AHNAK2: variants seen among roughly 807,000 people sequenced by gnomAD.
AHNAK2 encodes protein AHNAK2.
In AHNAK2, 18 loss-of-function variants were observed where a neutral mutation model predicts 30.7. The ratio of observed to expected loss-of-function variants is 0.59; its 90% CI spans 0.41 to 0.87. The LOEUF (loss-of-function observed/expected upper bound fraction) is 0.87, where lower values mean the gene tolerates loss of function less well. AHNAK2 is among the 40% of genes least tolerant of loss of function. The pLI is 0.00. For missense variants in AHNAK2, 8,604 were observed against 7,373.0 expected, an observed-to-expected ratio of 1.17 and a Z score of -6.11; for synonymous variants, 3,590 against 3,073.8, an observed-to-expected ratio of 1.17 and a Z score of -5.56.
rs761735734 is a variant in AHNAK2, at chr14:104,950,532, A to G, written c.4919T>C (p.Leu1640Pro). 6.3e-7 allele frequency: 1 copy of G among 1,586,938 alleles called. No homozygotes were observed. The highest frequency in any genetic ancestry group is 1.1e-5 in the South Asian group (1 of 89,636). ...GTCGGCCAGGGACAGGTCCCCCTCCAGCTGCGCACCATCCAGCTTTGCTCT... is the reference window on the plus strand; with the variant it reads ...GTCGGCCAGGGACAGGTCCCCCTCCGGCTGCGCACCATCCAGCTTTGCTCT... The part of the protein sequence containing the change: ...APRAKLDGAQ[L>P]EGDLSLADKA... Residue 1640 changes from leucine (L) to proline (P), a missense_variant, in exon 7 of 7, where the codon CTG (leucine) becomes CCG (proline). Coordinates refer to ENST00000333244, the MANE Select transcript of AHNAK2 (RefSeq NM_138420.4).
chr14:104,959,180 A>AT (rs1555403031), intron 1 of AHNAK2, among the ~76,000 whole-genome samples: 1 of 150,650 alleles, frequency 6.6e-6, no homozygotes. Flanking sequence ...ACAAAAAAAA[A>AT]TTTTTTTTTT....
At chr14:104,972,702 C>G (rs1899499434) in intron 1 of AHNAK2, among the ~76,000 whole-genome samples, 1 of 152,212 alleles carries the variant, frequency 6.6e-6, no homozygotes, top group Non-Finnish European at 1.5e-5. Context: ...ACGCGGACAG[C>G]CATGGGAACG....
Position 104,939,081 on chromosome 14 carries a change from G to T in AHNAK2, c.16370C>A (p.Ala5457Asp), listed in dbSNP as rs374510351. The change falls in exon 7 of 7, where the codon GCT (alanine) becomes GAT (aspartate). Residue 5457 changes from alanine to aspartate, a missense_variant. By Grantham distance (126) the Ala-to-Asp change is moderately radical. Coordinates refer to ENST00000333244, the MANE Select transcript of AHNAK2 (RefSeq NM_138420.4). ...QPVDLNLPLE[A>D]PPISKVRVHI... ...CACTCTGACCTTTGAAATTGGGGGA[G>T]CTTCCAAAGGCAGGTTAAGGTCCAC... is the stretch of plus-strand genomic sequence containing the variant. The T allele has an allele frequency of 4.9e-5, 78 of 1,603,370 alleles. No homozygotes were observed. The African/African-American group carries it at 7.6e-4, about 16-fold the overall frequency.
rs375824419 is a variant in AHNAK2 at position 104,948,489 on chromosome 14, G to A, written c.6962C>T (p.Pro2321Leu). The A allele has an allele frequency of 1.9e-6, 3 of 1,610,468 alleles. No homozygotes were observed. In the African/African-American group the frequency reaches 4.1e-5, roughly 22 times the overall value. Residue 2321 changes from proline (P) to leucine (L), a missense_variant, in exon 7 of 7, where the codon CCC (proline) becomes CTC (leucine). Coordinates refer to ENST00000333244, the MANE Select transcript of AHNAK2 (RefSeq NM_138420.4). The stretch of plus-strand genomic sequence containing the variant: ...CCCAAACGACAGCATCTTGAACTTG[G>A]GCATTTTGAACTTGCTGTCTTTGGC... The part of the protein sequence containing the change: ...VTAKDSKFKM[P>L]KFKMLSFGVS...
Position 104,947,458 on chromosome 14 carries a change from CG to C in AHNAK2, c.7992del (p.Glu2665SerfsTer12), listed in dbSNP as rs1848625336. 6.2e-7 allele frequency: 1 copy of C among 1,610,156 alleles called. No homozygotes were observed. Among genetic ancestry groups the C allele is most frequent in the African/African-American group, 1.4e-5 (1 of 73,492 alleles). ...KMPSFRVSAP[G>X]ESIEALVDVS... is the part of the protein sequence containing the mutation. ...ACATCCACCAACGCCTCGATGGACTCGCCTGGGGCCGACACCCTGAATGATG... is the reference window on the plus strand; with the variant it reads ...ACATCCACCAACGCCTCGATGGACTCCCTGGGGCCGACACCCTGAATGATG... On this transcript the variant is annotated frameshift_variant, in exon 7 of 7. Transcript: ENST00000333244. LOFTEE classifies it low-confidence loss of function (END_TRUNC).
At chr14:104,957,742 C>A in intron 1 of AHNAK2, 70 bp from the exon 2 acceptor site, 3 of 1,477,204 alleles carry the variant, frequency 2.0e-6, no homozygotes, top group Non-Finnish European at 2.8e-6. Context: ...GGGGAGGGAG[C>A]CAGGACTGTA....
At position 104,947,229 on chromosome 14, in the gene AHNAK2, A is replaced by G. The variant is rs749758455; in HGVS notation, c.8222T>C (p.Met2741Thr). Residue 2741 changes from methionine (M) to threonine (T), a missense_variant, in exon 7 of 7, where the codon ATG becomes ACG. Coordinates refer to ENST00000333244, the MANE Select transcript of AHNAK2 (RefSeq NM_138420.4). ...LPKLQMPSFK[M>T]PEVDLKGPQI... is the part of the protein sequence containing the mutation. ...GGGGCCCTTGAGGTCCACTTCAGGC[A>G]TCTTGAAACTGGGCATCTGCAGCTT... 8 of 1,611,884 alleles carry G rather than the reference A, an allele frequency of 5.0e-6. No homozygotes were observed. Among genetic ancestry groups the G allele is most frequent in the Non-Finnish European group, 6.8e-6 (8 of 1,179,472 alleles).
chr14:104,950,121 A>G lies in AHNAK2; in HGVS notation c.5330T>C (p.Val1777Ala), dbSNP rs1484154525. 1 of 1,585,108 alleles carries G rather than the reference A, an allele frequency of 6.3e-7. No homozygotes were observed. The highest frequency in any genetic ancestry group is 2.3e-5 in the East Asian group (1 of 44,392). Reference sequence around the variant, plus strand: ...AGACACCTCCACGTCGGGGGCCATCACCTCCGCCTTGGGGCCTTTCAGGTC... The same window carrying G: ...AGACACCTCCACGTCGGGGGCCATCGCCTCCGCCTTGGGGCCTTTCAGGTC... ...KLDLKGPKAE[V>A]MAPDVEVSLP... Residue 1777 changes from valine (V) to alanine (A), a missense_variant, in exon 7 of 7, where the codon GTG becomes GCG. By Grantham distance (64) the Val-to-Ala change is moderately conservative (BLOSUM62 0). Transcript: ENST00000333244.
In AHNAK2 at chr14:104,954,044, G is replaced by C. The variant is rs1328828074; in HGVS notation, c.1407C>G (p.Asp469Glu). The change falls in exon 7 of 7, where the codon GAC becomes GAG. Residue 469 changes from aspartate (D) to glutamate (E), a missense_variant. Coordinates refer to ENST00000333244, the MANE Select transcript of AHNAK2 (RefSeq NM_138420.4). The surrounding 1 kb of genome is among the most constrained non-coding windows in gnomAD (Gnocchi z 4.3). ...EIGIARLSLRDTTEGGTQIGP... is the reference protein window; with the variant it reads ...EIGIARLSLRETTEGGTQIGP... The stretch of plus-strand genomic sequence containing the variant: ...CAATCTGTGTGCCTCCTTCGGTTGT[G>C]TCTCTCAAGGACAGTCTGGCGATCC... 1 of 1,613,580 alleles carries C rather than the reference G, an allele frequency of 6.2e-7. No homozygotes were observed. The highest frequency in any genetic ancestry group is 1.7e-5 in the Admixed American group (1 of 60,018).
chr14:104,944,417 C>A lies in AHNAK2; in HGVS notation c.11034G>T (p.Gln3678His), dbSNP rs760910844. ...TGAGGTCAGTGGTCTTCAGGTCCCC[C>A]TGCATGGAGGGGAGACTCACATCGG... ...VEADVSLPSMQGDLKTTDLSI... is the reference protein window; with the variant it reads ...VEADVSLPSMHGDLKTTDLSI... The change falls in exon 7 of 7, where the codon CAG becomes CAT. Residue 3678 changes from glutamine to histidine, a missense_variant. Transcript: ENST00000333244. 1 of 1,612,936 alleles carries A rather than the reference C, an allele frequency of 6.2e-7. No homozygotes were observed. Among genetic ancestry groups the A allele is most frequent in the Admixed American group, 1.7e-5 (1 of 59,940 alleles).
At position 104,949,888 on chromosome 14, in the gene AHNAK2, C is replaced by T; in HGVS notation, c.5563G>A (p.Ala1855Thr). ...SVDVSAPKVE[A>T]EVSLPSMQGD... ...TGCATGGAGGGGAGGCTCACTTCGG[C>T]CTCCACCTTCGGCGCAGACACATCC... is the stretch of plus-strand genomic sequence containing the variant. Residue 1855 changes from alanine to threonine, a missense_variant, in exon 7 of 7, where the codon GCC (alanine) becomes ACC (threonine). Transcript: ENST00000333244. The T allele has an allele frequency of 6.3e-7, 1 of 1,588,784 alleles. No homozygotes were observed. Among genetic ancestry groups the T allele is most frequent in the African/African-American group, 1.4e-5 (1 of 72,732 alleles).
Position 104,952,285 on chromosome 14 carries a change from T to G in AHNAK2, c.3166A>C (p.Lys1056Gln), listed in dbSNP as rs372876794. ...ACATCCACCTGGTCAGCCTGGACCT[T>G]CAGGTCAGTAGAAGCAGGCTGAATG... ...LSIQPASTDLKVQADQVDVKL... is the reference protein window; with the variant it reads ...LSIQPASTDLQVQADQVDVKL... The change falls in exon 7 of 7, where the codon AAG (lysine) becomes CAG (glutamine). Residue 1056 changes from lysine (K) to glutamine (Q), a missense_variant. Coordinates refer to ENST00000333244, the MANE Select transcript of AHNAK2 (RefSeq NM_138420.4). 6.2e-7 allele frequency: 1 copy of G among 1,608,646 alleles called. No homozygotes were observed. Among genetic ancestry groups the G allele is most frequent in the South Asian group, 1.1e-5 (1 of 90,804 alleles).
rs375935833 is a variant in AHNAK2, at chr14:104,951,293, C to T, written c.4158G>A (p.Glu1386=). Residue 1386 remains glutamate, a synonymous_variant, in exon 7 of 7, where the codon GAG becomes GAA. Coordinates refer to ENST00000333244, the MANE Select transcript of AHNAK2 (RefSeq NM_138420.4). The part of the protein sequence containing the change: ...LSIQPPSTDL[E]LQAGQLDVKL... ...TCACGTCCAATTGGCCAGCCTGGAG[C>T]TCCAGGTCAGTGGAAGGGGGCTGAA... The T allele has an allele frequency of 6.7e-5, 71 of 1,061,654 alleles. 26 individuals are homozygous for T. The highest frequency in any genetic ancestry group is 9.7e-5 in the Non-Finnish European group (71 of 732,056). The allele number at this position is 1,061,654 out of a possible 1,614,324, so 65.8% of individuals were successfully genotyped here.
rs1595421893 is a variant in AHNAK2, at chr14:104,953,648, G to A, written c.1803C>T (p.Gly601=). ...CTGTGTCTTCTGTGGCTTTTTCTCT[G>A]CCTGTCTTTGTGTGCTTGCTTGGCG... The part of the protein sequence containing the change: ...GWSPSKHTKT[G]REKATEDTEQ... The change falls in exon 7 of 7, where the codon GGC becomes GGT. Residue 601 remains glycine (G), a synonymous_variant. Transcript: ENST00000333244. 3 of 1,613,566 alleles carry A rather than the reference G, an allele frequency of 1.9e-6. No individual in the cohort carries two copies. The highest frequency in any genetic ancestry group is 1.7e-6 in the Non-Finnish European group (2 of 1,179,862).
chr14:104,948,007 T>A lies in AHNAK2; in HGVS notation c.7444A>T (p.Arg2482Trp), dbSNP rs750804099. The A allele has an allele frequency of 1.9e-6, 3 of 1,612,194 alleles. No homozygotes were observed. Among genetic ancestry groups the A allele is most frequent in the Non-Finnish European group, 2.5e-6 (3 of 1,179,518 alleles). The stretch of plus-strand genomic sequence containing the variant: ...ATCTTGAACTTGGGAATTTTGAACC[T>A]GCTGTCTTTGGTAGTCACATCCTTG... ...ADKDVTTKDS[R>W]FKIPKFKMPS... is the part of the protein sequence containing the mutation. The change falls in exon 7 of 7, where the codon AGG becomes TGG. Residue 2482 changes from arginine to tryptophan, a missense_variant. Arg to Trp is a moderately radical substitution (Grantham distance 101, BLOSUM62 -3). Coordinates refer to ENST00000333244, the MANE Select transcript of AHNAK2 (RefSeq NM_138420.4).
Position 104,952,124 on chromosome 14 carries a change from G to T in AHNAK2, c.3327C>A (p.Asp1109Glu). Residue 1109 changes from aspartate to glutamate, a missense_variant, in exon 7 of 7, where the codon GAC becomes GAA. Coordinates refer to ENST00000333244, the MANE Select transcript of AHNAK2 (RefSeq NM_138420.4). The part of the protein sequence containing the change: ...PQVDVKGPKL[D>E]LKSPKAEVTA... ...TGACTTCCGCCTTGGGGCTTTTCAG[G>T]TCCAGCTTGGGGCCCTTGACGTCCA... 2 of 1,612,528 alleles carry T rather than the reference G, an allele frequency of 1.2e-6. No individual in the cohort carries two copies. The highest frequency in any genetic ancestry group is 1.7e-6 in the Non-Finnish European group (2 of 1,179,644).
chr14:104,943,331 G>T lies in AHNAK2; in HGVS notation c.12120C>A (p.Pro4040=), dbSNP rs376412318. Residue 4040 remains proline (P), a synonymous_variant, in exon 7 of 7, where the codon CCC becomes CCA. Coordinates refer to ENST00000333244, the MANE Select transcript of AHNAK2 (RefSeq NM_138420.4). The stretch of plus-strand genomic sequence containing the variant: ...CTTTGAGGCTGGCTCCCTCGGGCAC[G>T]GGGCCCTCTGGGAGTTTCACGTCCA... ...GQVDVKLPEG[P]VPEGASLKGH... is the part of the protein sequence containing the mutation. The T allele has an allele frequency of 6.2e-7, 1 of 1,612,670 alleles. No individual in the cohort carries two copies. Among genetic ancestry groups the T allele is most frequent in the African/African-American group, 1.3e-5 (1 of 74,708 alleles).
In AHNAK2 at chr14:104,966,966, G is replaced by C. The variant is rs1053955808; in HGVS notation, c.56-9294C>G. 6.6e-6 allele frequency among the ~76,000 whole-genome samples: 1 copy of C among 152,180 alleles called. No individual in the cohort carries two copies. Among genetic ancestry groups the C allele is most frequent in the Non-Finnish European group, 1.5e-5 (1 of 68,022 alleles). On this transcript the variant is annotated intron_variant, in intron 1 of 6. Transcript: ENST00000333244. The surrounding 1 kb of genome is among the most constrained non-coding windows in gnomAD (Gnocchi z 4.3). Reference sequence around the variant, plus strand: ...GGGGGAGGGGAGCCACTTACCCAAGGGGACCCAGCCAGTAGGTGTGGAGCT... The same window carrying C: ...GGGGGAGGGGAGCCACTTACCCAAGCGGACCCAGCCAGTAGGTGTGGAGCT...
intron 1 of AHNAK2, among the ~76,000 whole-genome samples, chr14:104,963,858 G>C (rs995455545): frequency 6.6e-6 from 1 of 150,680 alleles, no homozygotes; most frequent in Non-Finnish European, 1.5e-5. Context: ...AAAAGAGAGA[G>C]AGAGAAAAGA....
Sources: allele counts gnomAD v4.1 joint callset (sites outside exome capture counted in the v4.1 genomes callset), GRCh38; gene constraint gnomAD v4.1.1; non-coding constraint Gnocchi (gnomAD v3.1); transcripts MANE v1.5; gene names NCBI Gene and HGNC (gene_info 2026-07-23, HGNC 2026-07-21).